GULP1: variants seen among roughly 807,000 people sequenced by gnomAD.
GULP1 encodes the protein GULP PTB domain containing engulfment adaptor 1, also known as PTB domain-containing engulfment adapter protein 1.
A neutral mutation model predicts 40.9 loss-of-function variants in GULP1; 19 were observed. The ratio of observed to expected loss-of-function variants is 0.46; its 90% CI spans 0.32 to 0.68. GULP1 has a LOEUF of 0.68. GULP1 is among the 30% of genes least tolerant of loss of function. GULP1 has a pLI of 0.03. For missense variants in GULP1, 312 were observed against 362.2 expected, an observed-to-expected ratio of 0.86 and a Z score of 1.12; for synonymous variants, 119 against 117.6, an observed-to-expected ratio of 1.01 and a Z score of -0.08.
chr2:188,355,778 A>T (rs1220182135), intron 1 of GULP1, among the ~76,000 whole-genome samples: 1 of 152,092 alleles, frequency 6.6e-6, no homozygotes, highest in Non-Finnish European at 1.5e-5. Context: ...TGGCTTATAA[A>T]ATACTAGCAA....
intron 4 of GULP1, among the ~76,000 whole-genome samples, chr2:188,522,516 A>ATGTTTTT (rs1183713546): frequency 0.011 from 1,603 of 152,152 alleles, 24 homozygotes; most frequent in African/African-American, 0.036. Flanking sequence ...ATCTACAAGT[A>ATGTTTTT]AAATATTTAG....
rs78505639 is a variant in GULP1, at chr2:188,426,145, T to C, written c.-45+42256T>C. Among the ~76,000 whole-genome samples the C allele has an allele frequency of 2.6e-3, 399 of 152,288 alleles. 2 individuals carry two copies. The highest frequency in any genetic ancestry group is 9.1e-3 in the African/African-American group (377 of 41,558). On this transcript the variant is annotated intron_variant, in intron 2 of 11. Transcript: ENST00000409830. ...GTTCAGTCCAGAAAGGCTGGACATA[T>C]CACAGTGATGGCAGGGAGGGTGGGC... is the stretch of plus-strand genomic sequence containing the variant.
chr2:188,434,718 T>C (rs951915459), intron 2 of GULP1, among the ~76,000 whole-genome samples: 4 of 151,848 alleles, frequency 2.6e-5, no homozygotes, highest in Admixed American at 2.6e-4. Flanking sequence ...TCCTGAGTTC[T>C]ATCACCCAAT....
In GULP1 at chr2:188,389,107, G is replaced by A. The variant is rs190471059; in HGVS notation, c.-45+5218G>A. ...ACAGGCCTTTTGTTTAGGCAAGAGG[G>A]GCATGTTGATGACAGGCACAGAAAT... is the stretch of plus-strand genomic sequence containing the variant. On this transcript the variant is annotated intron_variant, in intron 2 of 11. Coordinates refer to ENST00000409830, the MANE Select transcript of GULP1 (RefSeq NM_016315.4). 2.6e-5 allele frequency among the ~76,000 whole-genome samples: 4 copies of A among 152,268 alleles called. No individual in the cohort carries two copies. In the East Asian group the frequency reaches 7.7e-4, roughly 29 times the overall value.
intron 1 of GULP1, among the ~76,000 whole-genome samples, chr2:188,377,183 AAG>A (rs1354308046): frequency 6.6e-6 from 1 of 152,140 alleles, no homozygotes; most frequent in Admixed American, 6.5e-5. Flanking sequence ...AAAAAAAAAA[AAG>A]AAAGAATTTG....
intron 7 of GULP1, among the ~76,000 whole-genome samples, chr2:188,565,221 A>AT (rs1491233219): frequency 6.6e-6 from 1 of 151,936 alleles, no homozygotes; most frequent in Non-Finnish European, 1.5e-5. Context: ...AAAATAAAAC[A>AT]TTTTCTGTTA....
chr2:188,431,747 C>T (rs1311892077), intron 2 of GULP1, among the ~76,000 whole-genome samples: 6 of 151,906 alleles, frequency 3.9e-5, no homozygotes, highest in Non-Finnish European at 5.9e-5. Flanking sequence ...TGTAGATATC[C>T]ATCTGCCTTA....
chr2:188,368,370 C>T (rs558082685), intron 1 of GULP1, among the ~76,000 whole-genome samples: 10 of 152,016 alleles, frequency 6.6e-5, no homozygotes, highest in African/African-American at 1.9e-4. Context: ...CACTTGAGGT[C>T]GGGAGTTCGA....
At chr2:188,492,585 G>A (rs2062498085) in intron 4 of GULP1, among the ~76,000 whole-genome samples, 1 of 151,812 alleles carries the variant, frequency 6.6e-6, no homozygotes, top group Admixed American at 6.6e-5. Context: ...ACAATAACAT[G>A]AAACTGTAAG....
chr2:188,452,959 A>T (rs2058953163), intron 2 of GULP1, among the ~76,000 whole-genome samples: 1 of 152,094 alleles, frequency 6.6e-6, no homozygotes, highest in Non-Finnish European at 1.5e-5. Flanking sequence ...GTCAACTTAA[A>T]TTCCTATTTC....
intron 11 of GULP1, chr2:188,589,279 A>C (rs1051325550): frequency 6.6e-6 from 1 of 152,306 alleles, no homozygotes; most frequent in African/African-American, 2.4e-5. Flanking sequence ...CATGTATTCT[A>C]TCTGATGGCA....
At chr2:188,347,019 A>G (rs767111225) in intron 1 of GULP1, among the ~76,000 whole-genome samples, 22 of 152,048 alleles carry the variant, frequency 1.4e-4, no homozygotes, top group Non-Finnish European at 2.9e-4. Flanking sequence ...TGTTCTTTAC[A>G]GCTGATAAAG....
chr2:188,311,593 GAAAT>G (rs1164139912), intron 1 of GULP1, among the ~76,000 whole-genome samples: 2 of 151,960 alleles, frequency 1.3e-5, no homozygotes, highest in Admixed American at 6.6e-5. Context: ...GAGATACCTA[GAAAT>G]AAATATGAGT....
At chr2:188,475,162 A>G (rs2060907788) in intron 2 of GULP1, among the ~76,000 whole-genome samples, 1 of 152,144 alleles carries the variant, frequency 6.6e-6, no homozygotes, top group South Asian at 2.1e-4. Flanking sequence ...GTGTTTTACA[A>G]AAAAAGTGTA....
intron 7 of GULP1, among the ~76,000 whole-genome samples, chr2:188,566,742 C>G (rs1031996756): frequency 2.3e-5 from 3 of 128,810 alleles, no homozygotes; most frequent in Non-Finnish European, 4.6e-5. Flanking sequence ...TTGCAGTGAG[C>G]TGAGATTGCG....
At chr2:188,342,430 AG>A (rs1407330263) in intron 1 of GULP1, among the ~76,000 whole-genome samples, 1 of 152,142 alleles carries the variant, frequency 6.6e-6, no homozygotes, top group African/African-American at 2.4e-5. Context: ...CACTGGATTT[AG>A]GGCCTACCCT....
chr2:188,320,535 G>A (rs2039811193), intron 1 of GULP1, among the ~76,000 whole-genome samples: 2 of 152,018 alleles, frequency 1.3e-5, no homozygotes, highest in Non-Finnish European at 2.9e-5. Context: ...AGTTTATACA[G>A]CACTTTGACT....
chr2:188,469,098 T>C (rs372796969), intron 2 of GULP1, among the ~76,000 whole-genome samples: 1 of 151,888 alleles, frequency 6.6e-6, no homozygotes, highest in South Asian at 2.1e-4. Flanking sequence ...TGGATTAGAG[T>C]TTAGGGGCCT....
chr2:188,456,720 C>T (rs927472871), intron 2 of GULP1, among the ~76,000 whole-genome samples: 11 of 152,106 alleles, frequency 7.2e-5, no homozygotes, highest in Non-Finnish European at 1.5e-4. Flanking sequence ...GAGAAGAGTG[C>T]CACTGTCCTC....
Sources: allele counts gnomAD v4.1 joint callset (sites outside exome capture counted in the v4.1 genomes callset), GRCh38; gene constraint gnomAD v4.1.1; transcripts MANE v1.5; gene names NCBI Gene and HGNC (gene_info 2026-07-23, HGNC 2026-07-21).